CFAP299: variants seen among roughly 807,000 people sequenced by gnomAD.
The protein encoded by CFAP299 is cilia and flagella associated protein 299, also known as cilia- and flagella-associated protein 299.
A neutral mutation model predicts 27.0 loss-of-function variants in CFAP299; 21 were observed. The ratio of observed to expected loss-of-function variants is 0.78; its 90% CI spans 0.55 to 1.12. The LOEUF (loss-of-function observed/expected upper bound fraction) is 1.12, where lower values mean the gene tolerates loss of function less well. Among genes scored for constraint, CFAP299 ranks in the 50% most tolerant of loss-of-function variants. The pLI, the probability that CFAP299 is intolerant of heterozygous loss-of-function variation, is 0.00. For missense variants in CFAP299, 310 were observed against 276.6 expected (o/e 1.12, Z -0.86); for synonymous variants, 104 against 98.1 (o/e 1.06, Z -0.36).
intron 2 of CFAP299, among the ~76,000 whole-genome samples, chr4:80,378,589 A>AT (rs1004609578): frequency 1.3e-5 from 2 of 152,014 alleles, no homozygotes; most frequent in African/African-American, 4.8e-5. Context: ...TCTCCTACTA[A>AT]TCCTAGTTTA....
chr4:80,952,243 T>C (rs756688744), intron 5 of CFAP299, among the ~76,000 whole-genome samples: 5 of 152,160 alleles, frequency 3.3e-5, no homozygotes, highest in African/African-American at 7.2e-5. Flanking sequence ...ATGAATAAAT[T>C]GAAATATTAA....
intron 3 of CFAP299, among the ~76,000 whole-genome samples, chr4:80,723,204 T>C (rs1313652442): frequency 6.6e-6 from 1 of 152,116 alleles, no homozygotes; most frequent in East Asian, 1.9e-4. Context: ...TTTAAAAAGG[T>C]TAAACATACA....
intron 1 of CFAP299, among the ~76,000 whole-genome samples, chr4:80,360,657 C>G (rs1578353601): frequency 6.6e-6 from 1 of 152,120 alleles, no homozygotes; most frequent in Non-Finnish European, 1.5e-5. Flanking sequence ...AGGTAAGTGG[C>G]CAGCCACTAG....
chr4:80,818,311 T>C (rs746389762), intron 3 of CFAP299, among the ~76,000 whole-genome samples: 3 of 152,220 alleles, frequency 2.0e-5, no homozygotes, highest in African/African-American at 7.2e-5. Flanking sequence ...TAGAAAGTAA[T>C]TATTTTGTTT....
At position 80,677,379 on chromosome 4, in the gene CFAP299, TG is replaced by T. The variant is rs528390898; in HGVS notation, c.333+94199del. 1.9e-3 allele frequency among the ~76,000 whole-genome samples: 285 copies of T among 152,216 alleles called. 1 individual carries two copies. The highest frequency in any genetic ancestry group is 6.7e-3 in the African/African-American group (278 of 41,570). On this transcript the variant is annotated intron_variant, in intron 3 of 5. Transcript: ENST00000358105. ...TTTCTCCTACTTTCATACTCAGATGTGGGAAGTTTTTCATATTTACTAAGTT... is the reference window on the plus strand; with the variant it reads ...TTTCTCCTACTTTCATACTCAGATGTGGAAGTTTTTCATATTTACTAAGTT...
At chr4:80,715,891 A>G (rs1722450793) in intron 3 of CFAP299, among the ~76,000 whole-genome samples, 1 of 152,066 alleles carries the variant, frequency 6.6e-6, no homozygotes, top group African/African-American at 2.4e-5. Flanking sequence ...CAAGTCCAAT[A>G]TTGTTTTCAT....
At chr4:80,826,144 T>C (rs1299008924) in intron 3 of CFAP299, among the ~76,000 whole-genome samples, 3 of 151,782 alleles carry the variant, frequency 2.0e-5, no homozygotes, top group African/African-American at 7.2e-5. Context: ...TCAGCTGATA[T>C]AAATTCAAAT....
chr4:80,648,982 T>C (rs902063565), intron 3 of CFAP299: 3 of 152,098 alleles, frequency 2.0e-5, no homozygotes, highest in African/African-American at 7.2e-5. Context: ...AGGAGATAGA[T>C]GGATGGTGAG....
chr4:80,456,930 G>A (rs1448039328), intron 2 of CFAP299, among the ~76,000 whole-genome samples: 1 of 151,758 alleles, frequency 6.6e-6, no homozygotes. Context: ...CGGTGTTGTG[G>A]ATACCAACAG....
chr4:80,391,608 T>A (rs1031754420), intron 2 of CFAP299, among the ~76,000 whole-genome samples: 1 of 152,198 alleles, frequency 6.6e-6, no homozygotes, highest in Non-Finnish European at 1.5e-5. Flanking sequence ...CATAGTGCAA[T>A]GCATTATTCA....
intron 2 of CFAP299, chr4:80,388,711 C>T: frequency 1.3e-6 from 1 of 753,772 alleles, no homozygotes; most frequent in Non-Finnish European, 2.3e-6. Flanking sequence ...AGATCACCTG[C>T]ACCATCTTGG....
At chr4:80,438,539 C>A (rs1299920501) in intron 2 of CFAP299, among the ~76,000 whole-genome samples, 1 of 152,150 alleles carries the variant, frequency 6.6e-6, no homozygotes, top group Non-Finnish European at 1.5e-5. Context: ...TTTCTTTCTC[C>A]ACTAATTTGA....
At chr4:80,397,159 T>G (rs1725847932) in intron 2 of CFAP299, among the ~76,000 whole-genome samples, 1 of 152,198 alleles carries the variant, frequency 6.6e-6, no homozygotes, top group Non-Finnish European at 1.5e-5. Flanking sequence ...TTTTCTAGTT[T>G]ATTTGCGTAG....
At chr4:80,435,119 A>T (rs1459861817) in intron 2 of CFAP299, among the ~76,000 whole-genome samples, 1 of 152,188 alleles carries the variant, frequency 6.6e-6, no homozygotes, top group Non-Finnish European at 1.5e-5. Context: ...AGGGTTGAAA[A>T]AGGCAACTTT....
At chr4:80,323,228 G>A in the CFAP299 span, among the ~76,000 whole-genome samples, 1 of 152,278 alleles carries the variant, frequency 6.6e-6, no homozygotes, top group East Asian at 1.9e-4. Flanking sequence ...GCAGTTCTCT[G>A]ATGTCTTGGG....
intron 2 of CFAP299, among the ~76,000 whole-genome samples, chr4:80,391,539 T>G (rs938329689): frequency 6.6e-6 from 1 of 152,224 alleles, no homozygotes; most frequent in Non-Finnish European, 1.5e-5. Flanking sequence ...AGACTGCGTA[T>G]GCAAGGTGGT....
chr4:80,351,166 T>G (rs1000304675), intron 1 of CFAP299, among the ~76,000 whole-genome samples: 4 of 152,108 alleles, frequency 2.6e-5, no homozygotes, highest in African/African-American at 9.7e-5. Context: ...GAAAATTATA[T>G]ATAAGCAGGA....
intron 2 of CFAP299, among the ~76,000 whole-genome samples, chr4:80,489,895 C>T (rs2172879): frequency 0.15 from 23,187 of 151,256 alleles, 2,650 homozygotes; most frequent in African/African-American, 0.33. Context: ...TTGCTTCCTT[C>T]ATAGAATTTC....
intron 3 of CFAP299, among the ~76,000 whole-genome samples, chr4:80,596,197 G>T (rs988759529): frequency 6.6e-6 from 1 of 152,012 alleles, no homozygotes; most frequent in African/African-American, 2.4e-5. Flanking sequence ...AAAGGAGCAG[G>T]GTTTATCTTG....
Sources: gnomAD v4.1 joint callset for allele counts (sites outside exome capture counted in the v4.1 genomes callset) on GRCh38, gnomAD v4.1.1 for gene constraint, MANE v1.5 for transcripts, NCBI Gene and HGNC (gene_info 2026-07-23, HGNC 2026-07-21) for gene names.